Variants in INTS4 observed in about 807,000 individuals in gnomAD.
INTS4 encodes the protein integrator complex subunit 4, also known as MSTP093.
Under a neutral mutation model 119.5 loss-of-function variants are expected in INTS4, and 70 were observed. That is an observed-to-expected ratio of 0.59 (90% CI 0.48 to 0.71). The LOEUF is 0.71. Among genes scored for constraint, INTS4 ranks in the 30% least tolerant of loss-of-function variants. The pLI is 0.00. For synonymous variants in INTS4, 316 were observed against 419.6 expected (o/e 0.75, Z 3.02); for missense variants, 867 against 1,173.2 (o/e 0.74, Z 3.81).
At chr11:77,933,787 C>T (rs1205046413) in intron 10 of INTS4, among the ~76,000 whole-genome samples, 4 of 151,758 alleles carry the variant, frequency 2.6e-5, no homozygotes, top group African/African-American at 4.8e-5. Context: ...GGAGCGTCTC[C>T]GCCCGGCAGC....
chr11:77,980,106 T>C (rs1856147855), intron 3 of INTS4, among the ~76,000 whole-genome samples: 1 of 152,012 alleles, frequency 6.6e-6, no homozygotes. Context: ...TACCCTTGCC[T>C]ATCTTTCTAG....
chr11:77,923,766 GTTTT>G (rs201749638), intron 12 of INTS4, among the ~76,000 whole-genome samples: 6 of 136,262 alleles, frequency 4.4e-5, no homozygotes, highest in Non-Finnish European at 7.9e-5. Context: ...ATTGTTTATG[GTTTT>G]TTTTTTTTTT....
chr11:77,918,023 G>A lies in INTS4; in HGVS notation c.1922+798C>T, dbSNP rs192451282. 1.9e-3 allele frequency: 1,332 copies of A among 702,104 alleles called. 3 individuals carry two copies. Among genetic ancestry groups the A allele is most frequent in the Non-Finnish European group, 2.7e-3 (1,029 of 384,572 alleles). The allele number at this position is 702,104 out of a possible 1,614,324, so 43.5% of individuals were successfully genotyped here. A position where few individuals can be genotyped will look rare whatever the true frequency, so the allele number is the denominator to read the frequency against. ...GTCTTTAAACAAACCACAGGGTGGA[G>A]ATGATACCTTTCTCTTCCTGTTTCC... On this transcript the variant is annotated intron_variant, in intron 15 of 22. Coordinates refer to ENST00000534064, the MANE Select transcript of INTS4 (RefSeq NM_033547.4).
chr11:77,939,628 A>AATG (rs552366586), intron 9 of INTS4, among the ~76,000 whole-genome samples: 220 of 152,232 alleles, frequency 1.4e-3, no homozygotes, highest in African/African-American at 4.9e-3. Flanking sequence ...ATCACAAATG[A>AATG]ATGACCTGGC....
intron 21 of INTS4, among the ~76,000 whole-genome samples, chr11:77,886,440 C>T (rs108843): frequency 0.38 from 57,514 of 151,558 alleles, 11,300 homozygotes; most frequent in African/African-American, 0.46. Context: ...CGCGAAGGCC[C>T]GCGGCGGGTG....
chr11:77,982,740 G>C (rs1376628650), intron 2 of INTS4, among the ~76,000 whole-genome samples: 1 of 152,168 alleles, frequency 6.6e-6, no homozygotes, highest in East Asian at 1.9e-4. Context: ...AGGAAAAAAA[G>C]TACCTAACCA....
intron 22 of INTS4, among the ~76,000 whole-genome samples, chr11:77,881,040 T>C (rs1951772824): frequency 6.6e-6 from 1 of 152,002 alleles, no homozygotes; most frequent in Admixed American, 6.5e-5. Context: ...TTACCAACAT[T>C]TGATAAGAAT....
At chr11:77,946,893 A>G (rs1954061397) in intron 8 of INTS4, among the ~76,000 whole-genome samples, 2 of 67,298 alleles carry the variant, frequency 3.0e-5, no homozygotes, top group African/African-American at 5.9e-5. Flanking sequence ...ACAGACAAAC[A>G]ATTAAATGAA....
At chr11:77,948,415 G>A (rs1226590067) in intron 8 of INTS4, among the ~76,000 whole-genome samples, 1 of 152,150 alleles carries the variant, frequency 6.6e-6, no homozygotes, top group Non-Finnish European at 1.5e-5. Context: ...GGGAGGCCAA[G>A]GCAGGCGAAT....
At chr11:77,931,493 G>A (rs1163305356) in intron 10 of INTS4, among the ~76,000 whole-genome samples, 2 of 152,232 alleles carry the variant, frequency 1.3e-5, no homozygotes, top group South Asian at 2.1e-4. Flanking sequence ...TTTGTAACAC[G>A]AAGGATAAAT....
chr11:77,891,883 C>G (rs1235646787), intron 19 of INTS4, 43 bp from the exon 20 acceptor site: 11 of 1,609,688 alleles, frequency 6.8e-6, no homozygotes, highest in Non-Finnish European at 9.3e-6. Flanking sequence ...CAACTGTGCA[C>G]TCATTCACCA....
At chr11:77,895,082 G>C (rs368421854) in intron 18 of INTS4, among the ~76,000 whole-genome samples, 19 of 152,214 alleles carry the variant, frequency 1.2e-4, no homozygotes, top group South Asian at 6.2e-4. Context: ...TCTCTATCTT[G>C]AATTACTTGG....
chr11:77,907,010 C>T (rs907649591), intron 16 of INTS4, among the ~76,000 whole-genome samples: 4 of 152,140 alleles, frequency 2.6e-5, no homozygotes, highest in African/African-American at 9.7e-5. Flanking sequence ...GAGTAAGAAA[C>T]GCCAGCAAGC....
intron 10 of INTS4, 75 bp downstream of exon 10, chr11:77,938,576 T>G: frequency 1.3e-6 from 2 of 1,534,036 alleles, no homozygotes; most frequent in Non-Finnish European, 1.8e-6. Context: ...ACGATACATG[T>G]GTATCACCCA....
chr11:77,993,705 T>C (rs1565299007), intron 1 of INTS4, among the ~76,000 whole-genome samples: 1 of 152,196 alleles, frequency 6.6e-6, no homozygotes, highest in Non-Finnish European at 1.5e-5. Flanking sequence ...AGGATCAGTA[T>C]CCTGCTGGAT....
intron 7 of INTS4, among the ~76,000 whole-genome samples, chr11:77,957,558 A>T (rs1043918699): frequency 1.3e-5 from 2 of 152,048 alleles, no homozygotes; most frequent in Non-Finnish European, 2.9e-5. Context: ...TTAAAAAAAA[A>T]AGTACGTAAC....
chr11:77,912,250 T>C (rs1039667175), intron 15 of INTS4, among the ~76,000 whole-genome samples: 5 of 151,794 alleles, frequency 3.3e-5, no homozygotes, highest in Non-Finnish European at 7.4e-5. Flanking sequence ...TAGTCCCAGC[T>C]ATTCAGGATG....
intron 21 of INTS4, chr11:77,884,699 A>G (rs1212845252): frequency 1.6e-5 from 4 of 251,036 alleles, no homozygotes; most frequent in South Asian, 8.0e-5. Context: ...CACTTGCCCT[A>G]TAATCCTTCA....
chr11:77,932,274 A>G (rs1426023826), intron 10 of INTS4, among the ~76,000 whole-genome samples: 2 of 152,134 alleles, frequency 1.3e-5, no homozygotes, highest in East Asian at 3.9e-4. Flanking sequence ...AAAAACCATG[A>G]CCCCATCAAA....
Sources: allele counts gnomAD v4.1 joint callset (sites outside exome capture counted in the v4.1 genomes callset), GRCh38; gene constraint gnomAD v4.1.1; transcripts MANE v1.5; gene names NCBI Gene and HGNC (gene_info 2026-07-23, HGNC 2026-07-21).